The following P2RX2 variants were observed in gnomAD, a reference collection of about 807,000 sequenced individuals.
P2RX2 encodes purinergic receptor P2X 2.
P2RX2 carries 50 observed loss-of-function variants against 54.8 expected under a neutral mutation model. The observed-to-expected ratio is 0.91, with a 90% CI of 0.73 to 1.15. P2RX2 has a LOEUF of 1.15. P2RX2 is among the 50% of genes most tolerant of loss of function. P2RX2 has a pLI of 0.00. For missense variants in P2RX2, 658 were observed against 633.2 expected, an observed-to-expected ratio of 1.04 and a Z score of -0.42; for synonymous variants, 289 against 259.4, an observed-to-expected ratio of 1.11 and a Z score of -1.09.
In P2RX2 at chr12:132,619,266, G is replaced by C. The variant is rs1439018305; in HGVS notation, c.174-173G>C. On this transcript the variant is annotated intron_variant, in intron 1 of 10. Coordinates refer to ENST00000643471, the MANE Select transcript of P2RX2 (RefSeq NM_170682.4). ...GACCAGGGGCGCGGGGCAGGGGCTG[G>C]GGCTGGGACCGGGGGCGCGGGGCAG... 1.4e-5 allele frequency: 7 copies of C among 485,638 alleles called. No homozygotes were observed. In the African/African-American group the frequency reaches 1.5e-4, roughly 10 times the overall value. The allele number at this position is 485,638 out of a possible 1,614,324, so 30.1% of individuals were successfully genotyped here. A position where few individuals can be genotyped will look rare whatever the true frequency, so the allele number is the denominator to read the frequency against.
chr12:132,619,128 G>T (rs1593666396), intron 1 of P2RX2, 139 bp downstream of exon 1: 1 of 161,246 alleles, frequency 6.2e-6, no homozygotes, highest in Admixed American at 1.6e-4. Flanking sequence ...GCTGGGACCG[G>T]GGGCGCGGGG....
Position 132,619,434 on chromosome 12 carries a change from C to A in P2RX2, c.174-5C>A. 6.2e-7 allele frequency: 1 copy of A among 1,611,702 alleles called. No homozygotes were observed. On this transcript the variant is annotated splice_polypyrimidine_tract_variant and splice_region_variant and intron_variant, in intron 1 of 10. Coordinates refer to ENST00000643471, the MANE Select transcript of P2RX2 (RefSeq NM_170682.4). ...CTCCGGAGCCGGCGCCGCCCCTGCC[C>A]GCAGGTACGTATTCATCGTGCAGAA...
At position 132,621,931 on chromosome 12, in the gene P2RX2, G is replaced by GC. The variant is rs759819868; in HGVS notation, c.1377dup (p.Ser460LeufsTer34). 6.2e-7 allele frequency: 1 copy of GC among 1,613,722 alleles called. No homozygotes were observed. Among genetic ancestry groups the GC allele is most frequent in the African/African-American group, 1.3e-5 (1 of 74,946 alleles). The stretch of plus-strand genomic sequence containing the variant: ...CACTCCTGCCTCCGAGCCTGCCCAA[G>GC]CCTCCACACCCACAGACCCCAAAGG... On this transcript the variant is annotated frameshift_variant, in exon 11 of 11. Coordinates refer to ENST00000643471, the MANE Select transcript of P2RX2 (RefSeq NM_170682.4). LOFTEE classifies it high-confidence loss of function.
At chr12:132,621,589 C>A in intron 10 of P2RX2, 30 bp from the exon 11 acceptor site, 1 of 1,610,604 alleles carries the variant, frequency 6.2e-7, no homozygotes, top group Non-Finnish European at 8.5e-7. Flanking sequence ...GTCCACCAGG[C>A]CCTTACACAC....
Position 132,621,675 on chromosome 12 carries a change from C to G in P2RX2, c.1119C>G (p.Tyr373Ter). 6.2e-7 allele frequency: 1 copy of G among 1,613,854 alleles called. No individual in the cohort carries two copies. The highest frequency in any genetic ancestry group is 8.5e-7 in the Non-Finnish European group (1 of 1,179,894). ...CATTCATGAACAAAAACAAGGTCTACAGCCATAAGAAATTTGACAAGGTGT... is the reference window on the plus strand; with the variant it reads ...CATTCATGAACAAAAACAAGGTCTAGAGCCATAAGAAATTTGACAAGGTGT... ...LLTFMNKNKV[Y>*]SHKKFDKVCT... The change falls in exon 11 of 11, where the codon TAC becomes TAG. Residue 373 changes from tyrosine (Y) to a stop codon, truncating the protein, a stop_gained. Coordinates refer to ENST00000643471, the MANE Select transcript of P2RX2 (RefSeq NM_170682.4). LOFTEE classifies it high-confidence loss of function.
In P2RX2 at chr12:132,620,355, C is replaced by A; in HGVS notation, c.635+8C>A. Reference sequence around the variant, plus strand: ...CAAATTCCACTTCTCCAAGTAAGAGCCGCGGGGTGTGGTGACGGCCCAGCC... The same window carrying A: ...CAAATTCCACTTCTCCAAGTAAGAGACGCGGGGTGTGGTGACGGCCCAGCC... On this transcript the variant is annotated splice_region_variant and intron_variant, in intron 6 of 10. Transcript: ENST00000643471. 1 of 1,613,826 alleles carries A rather than the reference C, an allele frequency of 6.2e-7. No individual in the cohort carries two copies. The highest frequency in any genetic ancestry group is 8.5e-7 in the Non-Finnish European group (1 of 1,179,684).
Position 132,620,602 on chromosome 12 carries a change from G to C in P2RX2, c.774+19G>C. 6.2e-7 allele frequency: 1 copy of C among 1,609,774 alleles called. No individual in the cohort carries two copies. Among genetic ancestry groups the C allele is most frequent in the Non-Finnish European group, 8.5e-7 (1 of 1,179,392 alleles). The stretch of plus-strand genomic sequence containing the variant: ...ACACAAGGCAGGGCAAGCGCAGGCA[G>C]GGTGGGGCCAGGGTGGGCTCCCACC... On this transcript the variant is annotated intron_variant, in intron 7 of 10. Coordinates refer to ENST00000643471, the MANE Select transcript of P2RX2 (RefSeq NM_170682.4).
In P2RX2 at chr12:132,618,849, G is replaced by A. The variant is rs372474913; in HGVS notation, c.33G>A (p.Gly11=). 3 of 1,359,366 alleles carry A rather than the reference G, an allele frequency of 2.2e-6. No individual in the cohort carries two copies. Among genetic ancestry groups the A allele is most frequent in the African/African-American group, 3.0e-5 (2 of 66,104 alleles). The allele number at this position is 1,359,366 out of a possible 1,614,324, so 84.2% of individuals were successfully genotyped here. Residue 11 remains glycine, a synonymous_variant, in exon 1 of 11, where the codon GGG becomes GGA. Coordinates refer to ENST00000643471, the MANE Select transcript of P2RX2 (RefSeq NM_170682.4). ...CCGCCCAGCCCAAGTACCCCGCCGG[G>A]GCGACCGCCCGGCGCCTGGCCCGGG... MAAAQPKYPA[G]ATARRLARGC...
In P2RX2 at chr12:132,618,882, G is replaced by A; in HGVS notation, c.66G>A (p.Trp22Ter). The A allele has an allele frequency of 7.3e-7, 1 of 1,377,480 alleles. No homozygotes were observed. The highest frequency in any genetic ancestry group is 9.5e-7 in the Non-Finnish European group (1 of 1,057,692). 85.3% of individuals were successfully genotyped at this position (1,377,480 alleles called of 1,614,324 possible). The change falls in exon 1 of 11, where the codon TGG becomes TGA. Residue 22 changes from tryptophan to a stop codon, truncating the protein, a stop_gained. Coordinates refer to ENST00000643471, the MANE Select transcript of P2RX2 (RefSeq NM_170682.4). LOFTEE classifies it high-confidence loss of function. Reference protein sequence around the residue: ...ATARRLARGCWSALWDYETPK... With the variant: ...ATARRLARGC ...CCCGGCGCCTGGCCCGGGGCTGCTGGTCCGCCCTCTGGGACTACGAGACGC... is the reference window on the plus strand; with the variant it reads ...CCCGGCGCCTGGCCCGGGGCTGCTGATCCGCCCTCTGGGACTACGAGACGC...
intron 7 of P2RX2, 101 bp downstream of exon 7, chr12:132,620,684 G>A: frequency 2.3e-6 from 3 of 1,309,044 alleles, no homozygotes; most frequent in African/African-American, 3.5e-5. Flanking sequence ...CTGACCAGCT[G>A]GCCCCGCTCA....
At position 132,619,939 on chromosome 12, in the gene P2RX2, G is replaced by A. The variant is rs757599362; in HGVS notation, c.457+20G>A. 6.9e-6 allele frequency: 11 copies of A among 1,594,478 alleles called. No homozygotes were observed. Among genetic ancestry groups the A allele is most frequent in the South Asian group, 1.1e-5 (1 of 88,120 alleles). ...GAAACGGTCGGTGTGCGCCAGCTGG[G>A]GCTGGGCGGGTGGGGCAGGGCTGCG... On this transcript the variant is annotated intron_variant, in intron 4 of 10. Transcript: ENST00000643471.
At chr12:132,621,384 A>G (rs748700412) in intron 9 of P2RX2, 39 bp downstream of exon 9, 1 of 1,612,898 alleles carries the variant, frequency 6.2e-7, no homozygotes, top group Admixed American at 1.7e-5. Context: ...CAGCCCTGCT[A>G]GCCTGGGTCT....
Position 132,622,122 on chromosome 12 carries a change from A to G in P2RX2, c.*150A>G, listed in dbSNP as rs1436705265. 2.7e-6 allele frequency: 4 copies of G among 1,480,926 alleles called. No homozygotes were observed. In the Admixed American group the frequency reaches 7.3e-5, roughly 27 times the overall value. 91.7% of individuals were successfully genotyped at this position (1,480,926 alleles called of 1,614,324 possible). Reference sequence around the variant, plus strand: ...GGATCCCTGTGCAAGGGCTGGGGGCACGCTCTGGCCCCAGGCTTGTGCCCC... The same window carrying G: ...GGATCCCTGTGCAAGGGCTGGGGGCGCGCTCTGGCCCCAGGCTTGTGCCCC... On this transcript the variant is annotated 3_prime_UTR_variant, in exon 11 of 11. Transcript: ENST00000643471.
intron 7 of P2RX2, 21 bp downstream of exon 7, chr12:132,620,604 G>A: frequency 1.2e-6 from 2 of 1,608,284 alleles, no homozygotes; most frequent in Non-Finnish European, 8.5e-7. Context: ...CGCAGGCAGG[G>A]TGGGGCCAGG....
intron 1 of P2RX2, 99 bp downstream of exon 1, chr12:132,619,088 TG>T (rs2041507702): frequency 1.1e-5 from 1 of 93,636 alleles, no homozygotes; most frequent in Admixed American, 4.9e-4. Flanking sequence ...GGGCTGGGGC[TG>T]GGACCGGGGG....
Position 132,618,852 on chromosome 12 carries a change from G to C in P2RX2, c.36G>C (p.Ala12=), listed in dbSNP as rs773367952. The C allele has an allele frequency of 2.9e-6, 4 of 1,363,198 alleles. No homozygotes were observed. The highest frequency in any genetic ancestry group is 3.8e-6 in the Non-Finnish European group (4 of 1,051,780). 84.4% of individuals were successfully genotyped at this position (1,363,198 alleles called of 1,614,324 possible). Residue 12 remains alanine (A), a synonymous_variant, in exon 1 of 11, where the codon GCG becomes GCC. Coordinates refer to ENST00000643471, the MANE Select transcript of P2RX2 (RefSeq NM_170682.4). ...AAAQPKYPAG[A]TARRLARGCW... ...CCCAGCCCAAGTACCCCGCCGGGGC[G>C]ACCGCCCGGCGCCTGGCCCGGGGCT...
chr12:132,619,775 G>A (rs776780909), intron 3 of P2RX2, 25 bp downstream of exon 3: 1 of 1,610,226 alleles, frequency 6.2e-7, no homozygotes, highest in Non-Finnish European at 8.5e-7. Context: ...CGGCGCTGGG[G>A]GACCCCGCCT....
intron 1 of P2RX2, 115 bp downstream of exon 1, chr12:132,619,104 G>A: frequency 6.2e-6 from 1 of 161,854 alleles, no homozygotes; most frequent in Non-Finnish European, 8.5e-6. Context: ...CGGGGGCGCG[G>A]GGCAGGGGCT....
chr12:132,619,578 CGG>C lies in P2RX2; in HGVS notation c.309+6_309+7del, dbSNP rs772320504. The C allele has an allele frequency of 1.2e-6, 2 of 1,607,714 alleles. No individual in the cohort carries two copies. Among genetic ancestry groups the C allele is most frequent in the Admixed American group, 1.7e-5 (1 of 59,756 alleles). On this transcript the variant is annotated splice_donor_5th_base_variant and intron_variant, in intron 2 of 10. Coordinates refer to ENST00000643471, the MANE Select transcript of P2RX2 (RefSeq NM_170682.4). ...GGAGTACGTGAAGCCCCCCGAGGTG[CGG>C]GCCGCCCCCTGCCCCCCGCCCCGCC...
Sources: allele counts gnomAD v4.1 joint callset, GRCh38; gene constraint gnomAD v4.1.1; transcripts MANE v1.5; gene names NCBI Gene and HGNC (gene_info 2026-07-23, HGNC 2026-07-21).